The following CPD variants were observed in gnomAD, a reference collection of about 807,000 sequenced individuals.
The protein encoded by CPD is metallocarboxypeptidase D.
Under a neutral mutation model 138.3 loss-of-function variants are expected in CPD, and 69 were observed. The observed-to-expected ratio is 0.50, with a 90% CI of 0.41 to 0.61. The LOEUF (loss-of-function observed/expected upper bound fraction) is 0.61. Ranked by LOEUF, CPD falls within the 20% of genes least tolerant of loss-of-function variation. The pLI, the probability that CPD is intolerant of heterozygous loss-of-function variation, is 0.00. For synonymous variants in CPD, 651 were observed against 642.1 expected (o/e 1.01, Z -0.21); for missense variants, 1,432 against 1,733.3 (o/e 0.83, Z 3.09).
At chr17:30,383,642 G>A (rs956162131) in intron 1 of CPD, among the ~76,000 whole-genome samples, 2 of 151,982 alleles carry the variant, frequency 1.3e-5, no homozygotes, top group Non-Finnish European at 2.9e-5. Flanking sequence ...CAGATTTTGT[G>A]TTACAAGTAA....
At chr17:30,451,452 G>A (rs193079256) in intron 13 of CPD, among the ~76,000 whole-genome samples, 1 of 152,188 alleles carries the variant, frequency 6.6e-6, no homozygotes, top group African/African-American at 2.4e-5. Flanking sequence ...ACTGGATTTG[G>A]CCTGCTGTTA....
chr17:30,379,194 G>T lies in CPD; in HGVS notation c.214G>T (p.Ala72Ser). The change falls in exon 1 of 21, where the codon GCG (alanine) becomes TCG (serine). Residue 72 changes from alanine (A) to serine (S), a missense_variant. Physicochemically the swap from Ala to Ser is moderately conservative, Grantham distance 99. This residue lies in a region of CPD where 484 missense variants were observed against 477.2 expected (regional missense o/e 1.01). Transcript: ENST00000225719. This position sits in a 1 kb window ranked among gnomAD's most constrained non-coding sequence, Gnocchi z 7.0. ...GTTGGAGTCGGCGCTGAGGGAGGCGGCGGCCGCGGGCCTCCCCGGCCTGGC... is the reference window on the plus strand; with the variant it reads ...GTTGGAGTCGGCGCTGAGGGAGGCGTCGGCCGCGGGCCTCCCCGGCCTGGC... ...EELESALREAAAAGLPGLARL... is the reference protein window; with the variant it reads ...EELESALREASAAGLPGLARL... 1 of 1,530,706 alleles carries T rather than the reference G, an allele frequency of 6.5e-7. No individual in the cohort carries two copies. The allele number at this position is 1,530,706 out of a possible 1,614,324, so 94.8% of individuals were successfully genotyped here.
At chr17:30,385,808 C>G (rs1323453956) in intron 2 of CPD, among the ~76,000 whole-genome samples, 2 of 151,134 alleles carry the variant, frequency 1.3e-5, no homozygotes, top group Admixed American at 1.3e-4. Context: ...GCAGTTGGCT[C>G]TTGTAAAGAG....
intron 2 of CPD, among the ~76,000 whole-genome samples, chr17:30,385,727 C>G (rs1251091317): frequency 1.3e-5 from 2 of 151,024 alleles, no homozygotes; most frequent in Non-Finnish European, 2.9e-5. Context: ...CAGATTTCCC[C>G]CATTATGTCC....
rs1406942990 is a variant in CPD, at chr17:30,456,497, G to C, written c.3469G>C (p.Glu1157Gln). 3 of 1,614,072 alleles carry C rather than the reference G, an allele frequency of 1.9e-6. No homozygotes were observed. The highest frequency in any genetic ancestry group is 2.7e-5 in the African/African-American group (2 of 74,924). ...TCCAGGAGGAGTAATGCGTGGAGCAGAATGGCATAGTCACCTGGGCAGCAT... is the reference window on the plus strand; with the variant it reads ...TCCAGGAGGAGTAATGCGTGGAGCACAATGGCATAGTCACCTGGGCAGCAT... ...NIPGGVMRGAEWHSHLGSMKD... is the reference protein window; with the variant it reads ...NIPGGVMRGAQWHSHLGSMKD... The change falls in exon 17 of 21, where the codon GAA becomes CAA. Residue 1157 changes from glutamate (E) to glutamine (Q), a missense_variant. Coordinates refer to ENST00000225719, the MANE Select transcript of CPD (RefSeq NM_001304.5).
At chr17:30,421,027 A>C (rs951632572) in intron 3 of CPD, 44 bp downstream of exon 3, 1 of 1,587,368 alleles carries the variant, frequency 6.3e-7, no homozygotes, top group South Asian at 1.1e-5. Context: ...AAACAGGATT[A>C]AATAAGGGAG....
At chr17:30,443,762 T>C in intron 10 of CPD, 40 bp from the exon 11 acceptor site, 1 of 1,529,132 alleles carries the variant, frequency 6.5e-7, no homozygotes, top group Non-Finnish European at 8.9e-7. Context: ...TAGATGATGA[T>C]GTTTATTATT....
At chr17:30,463,365 TATCCTCCA>T (rs1913545833) in intron 20 of CPD, among the ~76,000 whole-genome samples, 1 of 152,252 alleles carries the variant, frequency 6.6e-6, no homozygotes, top group Non-Finnish European at 1.5e-5. Flanking sequence ...AATCTACCTG[TATCCTCCA>T]AGCCTAGAAC....
chr17:30,451,475 C>T (rs1160688066), intron 13 of CPD, among the ~76,000 whole-genome samples: 1 of 152,148 alleles, frequency 6.6e-6, no homozygotes, highest in Non-Finnish European at 1.5e-5. Context: ...GGTTTCTCAC[C>T]CCTGTTCTAA....
At chr17:30,402,328 G>A (rs1911695851) in intron 2 of CPD, among the ~76,000 whole-genome samples, 1 of 152,216 alleles carries the variant, frequency 6.6e-6, no homozygotes, top group South Asian at 2.1e-4. Flanking sequence ...CAATTCGGGA[G>A]GCCAAGGTGG....
chr17:30,427,149 T>C (rs1387212015), intron 6 of CPD, among the ~76,000 whole-genome samples: 3 of 148,544 alleles, frequency 2.0e-5, no homozygotes, highest in Non-Finnish European at 4.4e-5. Context: ...GCCACTGCAC[T>C]CCAGCCTGGG....
In CPD at chr17:30,431,755, C is replaced by T. The variant is rs1370848393; in HGVS notation, c.2018-17C>T. On this transcript the variant is annotated splice_polypyrimidine_tract_variant and intron_variant, in intron 7 of 20. Transcript: ENST00000225719. The stretch of plus-strand genomic sequence containing the variant: ...TGAAACAGACAACATGATACATTTT[C>T]CTCTTTTCCCTTATAGGTTCTTTGG... 2 of 1,505,634 alleles carry T rather than the reference C, an allele frequency of 1.3e-6. No individual in the cohort carries two copies. The highest frequency in any genetic ancestry group is 1.8e-6 in the Non-Finnish European group (2 of 1,083,772). 93.3% of individuals were successfully genotyped at this position (1,505,634 alleles called of 1,614,324 possible). A position where few individuals can be genotyped will look rare whatever the true frequency, so the allele number is the denominator to read the frequency against.
At chr17:30,393,961 C>A (rs1452181522) in intron 2 of CPD, among the ~76,000 whole-genome samples, 1 of 151,890 alleles carries the variant, frequency 6.6e-6, no homozygotes, top group Non-Finnish European at 1.5e-5. Flanking sequence ...ACTGGTGAGA[C>A]CTCATCTCTT....
chr17:30,402,360 G>A (rs1264010900), intron 2 of CPD, among the ~76,000 whole-genome samples: 1 of 152,156 alleles, frequency 6.6e-6, no homozygotes, highest in Non-Finnish European at 1.5e-5. Context: ...GAGGTCCAGA[G>A]TTTGAGACCA....
At chr17:30,462,155 G>T in intron 19 of CPD, 93 bp downstream of exon 19, 4 of 1,257,508 alleles carry the variant, frequency 3.2e-6, no homozygotes, top group South Asian at 1.6e-5. Flanking sequence ...ATCTTGAAGG[G>T]AATAAAGAAA....
chr17:30,427,727 C>T (rs1207622528), intron 7 of CPD, among the ~76,000 whole-genome samples, 169 bp downstream of exon 7: 3 of 152,058 alleles, frequency 2.0e-5, no homozygotes, highest in Non-Finnish European at 4.4e-5. Flanking sequence ...CAGCCAGTGT[C>T]CTGGCTGTTT....
rs1913708873 is a variant in CPD, at chr17:30,468,716, T to C, written c.*3902T>C. On this transcript the variant is annotated 3_prime_UTR_variant, in exon 21 of 21. Transcript: ENST00000225719. ...CTTTGTGTTTTGTCTCATAATCTTT[T>C]TTCAGATGCAATATGCCGGAAAAAG... 6.6e-6 allele frequency: 1 copy of C among 152,604 alleles called. No homozygotes were observed. The highest frequency in any genetic ancestry group is 2.1e-4 in the South Asian group (1 of 4,838). The allele number at this position is 152,604 out of a possible 1,614,324, so 9.5% of individuals were successfully genotyped here. A position where few individuals can be genotyped will look rare whatever the true frequency, so the allele number is the denominator to read the frequency against.
At chr17:30,403,928 G>C (rs1181892671) in intron 2 of CPD, among the ~76,000 whole-genome samples, 1 of 152,076 alleles carries the variant, frequency 6.6e-6, no homozygotes, top group Non-Finnish European at 1.5e-5. Flanking sequence ...AGAATACTTA[G>C]TAATGTAATG....
Position 30,378,965 on chromosome 17 carries a change from G to A in CPD, c.-16G>A, listed in dbSNP as rs760591855. ...AGCCGCGGGAGCGGAGCCGGGGTTA[G>A]CGGCGCTGCTGGAAGATGGCGAGCG... On this transcript the variant is annotated 5_prime_UTR_variant, in exon 1 of 21. Transcript: ENST00000225719. 6.7e-7 allele frequency: 1 copy of A among 1,492,170 alleles called. No individual in the cohort carries two copies. Among genetic ancestry groups the A allele is most frequent in the South Asian group, 1.3e-5 (1 of 77,880 alleles). The allele number at this position is 1,492,170 out of a possible 1,614,324, so 92.4% of individuals were successfully genotyped here.
Sources: allele counts gnomAD v4.1 joint callset (sites outside exome capture counted in the v4.1 genomes callset), GRCh38; gene constraint gnomAD v4.1.1; regional missense constraint gnomAD v4.1.1; non-coding constraint Gnocchi (gnomAD v3.1); transcripts MANE v1.5; gene names NCBI Gene and HGNC (gene_info 2026-07-23, HGNC 2026-07-21).